Variants in COX19 observed in about 807,000 individuals in gnomAD.
COX19 encodes cytochrome c oxidase assembly factor COX19.
COX19 carries 8 observed loss-of-function variants against 6.8 expected under a neutral mutation model. That is an observed-to-expected ratio of 1.18 (90% CI 0.69 to 2.12). The LOEUF (loss-of-function observed/expected upper bound fraction) is 2.12. Among genes scored for constraint, COX19 ranks in the 30% most tolerant of loss-of-function variants. The pLI, the probability that COX19 is intolerant of heterozygous loss-of-function variation, is 0.00. For synonymous variants in COX19, 51 were observed against 38.0 expected (o/e 1.34, Z -1.26); for missense variants, 131 against 104.6 (o/e 1.25, Z -1.10).
chr7:975,238 G>C (rs1161229390), intron 1 of COX19, 190 bp downstream of exon 1: 2 of 465,758 alleles, frequency 4.3e-6, no homozygotes, highest in Admixed American at 8.6e-5. Context: ...CCACGGTCCT[G>C]CCAGCTCCCA....
Position 969,454 on chromosome 7 carries a change from T to A in COX19, c.197A>T (p.Lys66Ile). Residue 66 changes from lysine to isoleucine, a missense_variant and splice_region_variant, in exon 3 of 3, where the codon AAA (lysine) becomes ATA (isoleucine). Transcript: ENST00000344111. ...CTCCAATGGTTCTTGTAGCATCAAT[T>A]TTCTAAAAGAAAAAGAGAAAGCTGT... Reference protein sequence around the residue: ...KEYLECRMERKLMLQEPLEKL... With the variant: ...KEYLECRMERILMLQEPLEKL... 1 of 1,602,774 alleles carries A rather than the reference T, an allele frequency of 6.2e-7. No homozygotes were observed. Among genetic ancestry groups the A allele is most frequent in the Non-Finnish European group, 8.5e-7 (1 of 1,170,082 alleles).
At chr7:972,367 C>T (rs1347977603) in intron 2 of COX19, among the ~76,000 whole-genome samples, 4 of 152,186 alleles carry the variant, frequency 2.6e-5, no homozygotes, top group Non-Finnish European at 5.9e-5. Context: ...CCCGAACACA[C>T]CTGTGTGGCC....
rs1847588781 is a variant in COX19, at chr7:968,331, A to G, written c.*1047T>C. ...TTTCCCAGAGCCTGAGGTCGGCCAG[A>G]TTGGTGGCCCCACCTGCCAGGGCTT... On this transcript the variant is annotated 3_prime_UTR_variant, in exon 3 of 3. Transcript: ENST00000344111. The G allele has an allele frequency of 6.6e-6, 1 of 152,234 alleles. No individual in the cohort carries two copies. The highest frequency in any genetic ancestry group is 2.1e-4 in the South Asian group (1 of 4,830). The allele number at this position is 152,234 out of a possible 1,614,324, so 9.4% of individuals were successfully genotyped here.
chr7:970,465 C>T (rs1332291998), intron 2 of COX19, among the ~76,000 whole-genome samples: 3 of 117,840 alleles, frequency 2.5e-5, no homozygotes, highest in Admixed American at 9.5e-5. Context: ...TTTTTTGAGA[C>T]GGAGTCCTAC....
chr7:969,343 C>T lies in COX19; in HGVS notation c.*35G>A. On this transcript the variant is annotated 3_prime_UTR_variant, in exon 3 of 3. Coordinates refer to ENST00000344111, the MANE Select transcript of COX19 (RefSeq NM_001031617.3). ...GATGATGCCCTCCGTCCTGAGAGAC[C>T]ACTGAACACGGCCCAGGGGTCTTCT... 7.4e-7 allele frequency: 1 copy of T among 1,346,874 alleles called. No homozygotes were observed. Among genetic ancestry groups the T allele is most frequent in the Non-Finnish European group, 1.1e-6 (1 of 936,454 alleles). The allele number at this position is 1,346,874 out of a possible 1,614,324, so 83.4% of individuals were successfully genotyped here. A position where few individuals can be genotyped will look rare whatever the true frequency, so the allele number is the denominator to read the frequency against.
chr7:965,331 A>ATG lies in COX19; in HGVS notation c.*4046_*4047insCA, dbSNP rs1847535662. Among the ~76,000 whole-genome samples, 4 of 152,210 alleles carry ATG rather than the reference A, an allele frequency of 2.6e-5. No homozygotes were observed. The South Asian group carries it at 8.3e-4, about 31-fold the overall frequency. On this transcript the variant is annotated 3_prime_UTR_variant, in exon 3 of 3. Transcript: ENST00000344111. ...CCCAGTTCCCCAAATAACATCTTAC[A>ATG]TAACACTGGGCCAGCGCTGCCAGTC...
At chr7:971,352 G>A (rs981334544) in intron 2 of COX19, among the ~76,000 whole-genome samples, 12 of 152,156 alleles carry the variant, frequency 7.9e-5, no homozygotes, top group African/African-American at 1.7e-4. Flanking sequence ...AGACACACAC[G>A]GAGGTTGGAG....
At chr7:974,250 T>TAAAA (rs748066628) in intron 1 of COX19, among the ~76,000 whole-genome samples, 41 of 84,266 alleles carry the variant, frequency 4.9e-4, no homozygotes, top group African/African-American at 1.3e-3. Flanking sequence ...ACCCCATCTC[T>TAAAA]AAAAAAAAAA....
chr7:974,248 TC>T (rs1193459364), intron 1 of COX19, among the ~76,000 whole-genome samples: 65 of 109,272 alleles, frequency 5.9e-4, no homozygotes, highest in Admixed American at 1.9e-3. Context: ...AAACCCCATC[TC>T]TAAAAAAAAA....
At chr7:970,439 AT>A (rs1171573366) in intron 2 of COX19, among the ~76,000 whole-genome samples, 1,409 of 121,214 alleles carry the variant, frequency 0.012, 15 homozygotes, top group African/African-American at 0.037. Context: ...CGGCCAGCTA[AT>A]TTTTTTTTTT....
chr7:971,921 C>A (rs1377425709), intron 2 of COX19, among the ~76,000 whole-genome samples: 1 of 152,102 alleles, frequency 6.6e-6, no homozygotes, highest in Non-Finnish European at 1.5e-5. Flanking sequence ...AGAACACATG[C>A]CCTGAACATT....
In COX19 at chr7:969,249, G is replaced by T; in HGVS notation, c.*129C>A. 1 of 696,142 alleles carries T rather than the reference G, an allele frequency of 1.4e-6. No homozygotes were observed. Among genetic ancestry groups the T allele is most frequent in the Non-Finnish European group, 2.6e-6 (1 of 388,128 alleles). The allele number at this position is 696,142 out of a possible 1,614,324, so 43.1% of individuals were successfully genotyped here. ...CCTACCCAGGAGACGCCCCCACAGG[G>T]CTGGAGCTTCTATTCGAAGCCCATT... On this transcript the variant is annotated 3_prime_UTR_variant, in exon 3 of 3. Coordinates refer to ENST00000344111, the MANE Select transcript of COX19 (RefSeq NM_001031617.3).
At chr7:973,647 G>A (rs1454954776) in intron 1 of COX19, among the ~76,000 whole-genome samples, 1 of 152,042 alleles carries the variant, frequency 6.6e-6, no homozygotes, top group East Asian at 1.9e-4. Context: ...TCCAGCCTGG[G>A]CAACAGATCA....
At position 965,919 on chromosome 7, in the gene COX19, G is replaced by A. The variant is rs992621377; in HGVS notation, c.*3459C>T. Among the ~76,000 whole-genome samples, 2 of 152,200 alleles carry A rather than the reference G, an allele frequency of 1.3e-5. No individual in the cohort carries two copies. The highest frequency in any genetic ancestry group is 2.9e-5 in the Non-Finnish European group (2 of 68,030). On this transcript the variant is annotated 3_prime_UTR_variant, in exon 3 of 3. Coordinates refer to ENST00000344111, the MANE Select transcript of COX19 (RefSeq NM_001031617.3). ...CTCCCAAAGTGTTGGGATTATAGGC[G>A]TGAGCCACTGGCGCCCGGCCCGCTG...
intron 2 of COX19, chr7:972,768 C>G (rs1294647432): frequency 6.5e-6 from 1 of 152,976 alleles, no homozygotes; most frequent in African/African-American, 2.4e-5. Flanking sequence ...ACATTCCCAA[C>G]AACTCAAAGT....
At chr7:972,045 C>T (rs188337704) in intron 2 of COX19, among the ~76,000 whole-genome samples, 1 of 152,318 alleles carries the variant, frequency 6.6e-6, no homozygotes, top group East Asian at 1.9e-4. Flanking sequence ...AGGCAGGAGG[C>T]CTGCTCACAC....
chr7:965,061 C>T lies in COX19; in HGVS notation c.*4317G>A, dbSNP rs1583200373. On this transcript the variant is annotated 3_prime_UTR_variant, in exon 3 of 3. Coordinates refer to ENST00000344111, the MANE Select transcript of COX19 (RefSeq NM_001031617.3). ...CAAAGGCAGCGTTGGGAAGCCACTG[C>T]ACGTTTGTAAGGAGTCAGGTTGTCC... Among the ~76,000 whole-genome samples, 1 of 152,304 alleles carries T rather than the reference C, an allele frequency of 6.6e-6. No individual in the cohort carries two copies. Among genetic ancestry groups the T allele is most frequent in the South Asian group, 2.1e-4 (1 of 4,828 alleles).
intron 1 of COX19, among the ~76,000 whole-genome samples, chr7:973,834 C>T (rs1457802606): frequency 4.0e-5 from 6 of 151,668 alleles, no homozygotes; most frequent in Admixed American, 6.6e-5. Flanking sequence ...GGCATGGTGG[C>T]GGGTGTCTGT....
chr7:966,046 TCCCC>T lies in COX19; in HGVS notation c.*3328_*3331del, dbSNP rs1353202341. The T allele has an allele frequency of 6.6e-6, 1 of 151,906 alleles. No homozygotes were observed. The highest frequency in any genetic ancestry group is 6.6e-5 in the Admixed American group (1 of 15,230). The allele number at this position is 151,906 out of a possible 1,614,324, so 9.4% of individuals were successfully genotyped here. On this transcript the variant is annotated 3_prime_UTR_variant, in exon 3 of 3. Transcript: ENST00000344111. ...AGAATTAATAAGACAGACCTGGCCC[TCCCC>T]CCACTGACATGTTTACGCAATTACT... is the stretch of plus-strand genomic sequence containing the variant.
Sources: allele counts gnomAD v4.1 joint callset (sites outside exome capture counted in the v4.1 genomes callset), GRCh38; gene constraint gnomAD v4.1.1; transcripts MANE v1.5; gene names NCBI Gene and HGNC (gene_info 2026-07-23, HGNC 2026-07-21).